Variants in BRD4 observed in about 807,000 individuals in gnomAD.
The protein encoded by BRD4 is bromodomain containing 4.
A neutral mutation model predicts 142.1 loss-of-function variants in BRD4; 16 were observed. The ratio of observed to expected loss-of-function variants is 0.11; its 90% CI spans 0.08 to 0.17. The LOEUF (loss-of-function observed/expected upper bound fraction) is 0.17. Ranked by LOEUF, BRD4 falls within the 10% of genes least tolerant of loss-of-function variation. The probability of loss-of-function intolerance (pLI) is 1.00; values close to 1 mark genes in which losing one functional copy is unlikely to be tolerated. For missense variants in BRD4, 1,424 were observed against 1,810.9 expected (o/e 0.79, Z 3.88); for synonymous variants, 833 against 707.5 (o/e 1.18, Z -2.82).
intron 11 of BRD4, among the ~76,000 whole-genome samples, chr19:15,250,770 G>A (rs1053934473): frequency 2.6e-5 from 4 of 152,202 alleles, no homozygotes; most frequent in African/African-American, 9.7e-5. Flanking sequence ...TATGTGACAA[G>A]TGAAAGCTAG....
chr19:15,244,527 TG>T lies in BRD4; in HGVS notation c.2284del (p.Gln762SerfsTer32). On this transcript the variant is annotated frameshift_variant, in exon 13 of 20. Coordinates refer to ENST00000679869, the MANE Select transcript of BRD4 (RefSeq NM_001379291.1). LOFTEE classifies it high-confidence loss of function. Reference sequence around the variant, plus strand: ...CGGAGGTGGAGGCGGTGGGGGCTGCTGGGGAGGCGGGGGCGGCTGCTGGGGC... The same window carrying T: ...CGGAGGTGGAGGCGGTGGGGGCTGCTGGGAGGCGGGGGCGGCTGCTGGGGC... ...PVPQQPPPPP[Q>X]QPPPPPPPQQ... 1 of 163,764 alleles carries T rather than the reference TG, an allele frequency of 6.1e-6. No homozygotes were observed. The highest frequency in any genetic ancestry group is 6.9e-5 in the Admixed American group (1 of 14,430). 10.1% of individuals were successfully genotyped at this position (163,764 alleles called of 1,614,324 possible).
intron 11 of BRD4, chr19:15,246,732 G>C (rs2047291025): frequency 6.6e-6 from 1 of 152,432 alleles, no homozygotes; most frequent in African/African-American, 2.4e-5. Context: ...GGGTTCCAGG[G>C]GGCATGTCTC....
intron 1 of BRD4, among the ~76,000 whole-genome samples, chr19:15,279,043 G>A (rs1421202904): frequency 6.6e-6 from 1 of 152,200 alleles, no homozygotes; most frequent in African/African-American, 2.4e-5. Context: ...GTTTCTCCAT[G>A]TTGGTCAGGC....
chr19:15,319,577 G>A (rs2048044128), intron 1 of BRD4, among the ~76,000 whole-genome samples: 1 of 151,690 alleles, frequency 6.6e-6, no homozygotes, highest in Admixed American at 6.6e-5. Context: ...TCATGCCACT[G>A]CACTCCAGCC....
At chr19:15,299,965 C>T (rs1253749792) in intron 1 of BRD4, among the ~76,000 whole-genome samples, 1 of 152,198 alleles carries the variant, frequency 6.6e-6, no homozygotes, top group African/African-American at 2.4e-5. Flanking sequence ...TTGCACCTGG[C>T]CAGGCACAGT....
At chr19:15,274,259 G>A (rs983565754) in intron 1 of BRD4, among the ~76,000 whole-genome samples, 1 of 152,194 alleles carries the variant, frequency 6.6e-6, no homozygotes, top group Non-Finnish European at 1.5e-5. Context: ...TCACAGACAA[G>A]GAAACAAGTC....
At chr19:15,296,187 G>A (rs1297267260) in intron 1 of BRD4, among the ~76,000 whole-genome samples, 1 of 152,132 alleles carries the variant, frequency 6.6e-6, no homozygotes, top group Non-Finnish European at 1.5e-5. Context: ...CCGGGAGAGA[G>A]AGGTTGCAGT....
At chr19:15,265,729 G>T in intron 4 of BRD4, 86 bp from the exon 5 acceptor site, 1 of 1,394,878 alleles carries the variant, frequency 7.2e-7, no homozygotes, top group Non-Finnish European at 1.0e-6. Context: ...ACCACACACA[G>T]TGAACGCACA....
chr19:15,265,211 G>A, intron 5 of BRD4, 143 bp downstream of exon 5: 1 of 836,950 alleles, frequency 1.2e-6, no homozygotes, highest in South Asian at 2.5e-5. Flanking sequence ...GCTGTTTCTG[G>A]GCTGCAATTT....
At chr19:15,306,454 G>C (rs984856755) in intron 1 of BRD4, among the ~76,000 whole-genome samples, 2 of 151,834 alleles carry the variant, frequency 1.3e-5, no homozygotes, top group African/African-American at 4.8e-5. Flanking sequence ...TTTTTTTTAT[G>C]AAGACGAGGC....
Position 15,238,722 on chromosome 19 carries a change from C to A in BRD4, c.4020+21G>T. 1 of 1,495,186 alleles carries A rather than the reference C, an allele frequency of 6.7e-7. No individual in the cohort carries two copies. Among genetic ancestry groups the A allele is most frequent in the Non-Finnish European group, 8.9e-7 (1 of 1,121,668 alleles). 92.6% of individuals were successfully genotyped at this position (1,495,186 alleles called of 1,614,324 possible). A position where few individuals can be genotyped will look rare whatever the true frequency, so the allele number is the denominator to read the frequency against. ...GGAGCTAATCCTTAGACCAGGGTCCCCACCAGGCCTCCAGACTCACGGCTT... is the reference window on the plus strand; with the variant it reads ...GGAGCTAATCCTTAGACCAGGGTCCACACCAGGCCTCCAGACTCACGGCTT... On this transcript the variant is annotated intron_variant, in intron 19 of 19. Transcript: ENST00000679869. This position sits in a 1 kb window ranked among gnomAD's most constrained non-coding sequence, Gnocchi z 7.2.
chr19:15,279,460 T>A (rs1002053672), intron 1 of BRD4, among the ~76,000 whole-genome samples: 2 of 152,158 alleles, frequency 1.3e-5, no homozygotes, highest in African/African-American at 4.8e-5. Context: ...CTCCATCAAG[T>A]CATAGTTCTC....
intron 1 of BRD4, among the ~76,000 whole-genome samples, chr19:15,295,459 G>A (rs2047815354): frequency 6.6e-6 from 1 of 152,280 alleles, no homozygotes; most frequent in East Asian, 1.9e-4. Context: ...AGCCTGCCTT[G>A]GGTGGCTTTC....
At position 15,239,272 on chromosome 19, in the gene BRD4, A is replaced by G; in HGVS notation, c.3577-8T>C. 1.2e-6 allele frequency: 2 copies of G among 1,613,272 alleles called. No individual in the cohort carries two copies. Among genetic ancestry groups the G allele is most frequent in the East Asian group, 4.5e-5 (2 of 44,852 alleles). On this transcript the variant is annotated splice_polypyrimidine_tract_variant and splice_region_variant and intron_variant, in intron 17 of 19. Coordinates refer to ENST00000679869, the MANE Select transcript of BRD4 (RefSeq NM_001379291.1). This position sits in a 1 kb window ranked among gnomAD's most constrained non-coding sequence, Gnocchi z 7.4. ...GTTCTTGATTTTCAGGTCCTGCAGAACAGAGAGGTTGGGGTGGGTGAGGGG... is the reference window on the plus strand; with the variant it reads ...GTTCTTGATTTTCAGGTCCTGCAGAGCAGAGAGGTTGGGGTGGGTGAGGGG...
At chr19:15,248,782 G>T (rs562990882) in intron 11 of BRD4, 2 of 242,094 alleles carry the variant, frequency 8.3e-6, no homozygotes, top group African/African-American at 4.4e-5. Flanking sequence ...AGCTCTAGAG[G>T]TCAGAGTGTT....
At chr19:15,254,610 GGAA>G (rs950364571) in intron 10 of BRD4, among the ~76,000 whole-genome samples, 5 of 152,140 alleles carry the variant, frequency 3.3e-5, no homozygotes, top group African/African-American at 9.7e-5. Flanking sequence ...TTCTAGCAGG[GGAA>G]GAAGAAGATC....
intron 1 of BRD4, among the ~76,000 whole-genome samples, chr19:15,288,661 G>C (rs977360034): frequency 6.6e-6 from 1 of 152,230 alleles, no homozygotes; most frequent in Non-Finnish European, 1.5e-5. Context: ...GTGCTACACA[G>C]GCTGGTGCAC....
intron 1 of BRD4, among the ~76,000 whole-genome samples, chr19:15,298,803 A>G (rs954780898): frequency 1.3e-5 from 2 of 152,156 alleles, no homozygotes; most frequent in Non-Finnish European, 2.9e-5. Flanking sequence ...TAACAGAAAG[A>G]ATGCCCAATC....
Position 15,244,732 on chromosome 19 carries a change from T to G in BRD4, c.2189A>C (p.His730Pro). The change falls in exon 12 of 20, where the codon CAC becomes CCC. Residue 730 changes from histidine (H) to proline (P), a missense_variant. Transcript: ENST00000679869. ...EMAPKSKKKG[H>P]PGREQKKHHH... ...TACCTTCTTCTGCTCCCTCCCGGGG[T>G]GCCCCTTCTTTTTTGACTTCGGAGC... 1.2e-6 allele frequency: 2 copies of G among 1,614,018 alleles called. No homozygotes were observed. Among genetic ancestry groups the G allele is most frequent in the Admixed American group, 1.7e-5 (1 of 60,006 alleles).
Sources: gnomAD v4.1 joint callset for allele counts (sites outside exome capture counted in the v4.1 genomes callset) on GRCh38, gnomAD v4.1.1 for gene constraint, Gnocchi (gnomAD v3.1) non-coding constraint, MANE v1.5 for transcripts, NCBI Gene and HGNC (gene_info 2026-07-23, HGNC 2026-07-21) for gene names.